MAST4: variants seen among roughly 807,000 people sequenced by gnomAD.
MAST4 encodes the protein microtubule-associated serine/threonine-protein kinase 4.
A neutral mutation model predicts 162.7 loss-of-function variants in MAST4; 89 were observed. The ratio of observed to expected loss-of-function variants is 0.55; its 90% CI spans 0.46 to 0.65. The LOEUF is 0.65. Ranked by LOEUF, MAST4 falls within the 30% of genes least tolerant of loss-of-function variation. The probability of loss-of-function intolerance (pLI) is 0.00; values close to 1 mark genes in which losing one functional copy is unlikely to be tolerated. For synonymous variants in MAST4, 1,479 were observed against 1,361.1 expected (o/e 1.09, Z -1.91); for missense variants, 3,153 against 3,374.0 (o/e 0.93, Z 1.62).
Position 67,090,239 on chromosome 5 carries a change from CT to C in MAST4, c.833+13del. 6.2e-7 allele frequency: 1 copy of C among 1,608,514 alleles called. No individual in the cohort carries two copies. The highest frequency in any genetic ancestry group is 8.5e-7 in the Non-Finnish European group (1 of 1,175,864). On this transcript the variant is annotated intron_variant, in intron 6 of 28. Transcript: ENST00000403625. Reference sequence around the variant, plus strand: ...TTTTTCATTTGCACGGAGGTAAGGACTTTTTGTGAGTGGAGGCATAAGGTCT... The same window carrying C: ...TTTTTCATTTGCACGGAGGTAAGGACTTTTGTGAGTGGAGGCATAAGGTCT...
Position 66,851,672 on chromosome 5 carries a change from A to C in MAST4, c.643-48279A>C, listed in dbSNP as rs555725123. 9.2e-5 allele frequency among the ~76,000 whole-genome samples: 14 copies of C among 152,294 alleles called. No homozygotes were observed. In the East Asian group the frequency reaches 2.7e-3, roughly 29 times the overall value. ...ATCCCTTTTTATTTTTATTAACACCACATATCAGTGGATTACTATAGTGCA... is the reference window on the plus strand; with the variant it reads ...ATCCCTTTTTATTTTTATTAACACCCCATATCAGTGGATTACTATAGTGCA... On this transcript the variant is annotated intron_variant, in intron 3 of 28. Coordinates refer to ENST00000403625, the MANE Select transcript of MAST4 (RefSeq NM_001164664.2).
At position 66,757,262 on chromosome 5, in the gene MAST4, T is replaced by G. The variant is rs148294036; in HGVS notation, c.364-2447T>G. 4.5e-3 allele frequency among the ~76,000 whole-genome samples: 692 copies of G among 152,334 alleles called. 4 individuals are homozygous for G. The highest frequency in any genetic ancestry group is 5.3e-3 in the Non-Finnish European group (359 of 68,034). ...TTAAATGAGAAATATTTGTATTTTA[T>G]GCAGCTGTCACTCATAATTAAGAGA... is the stretch of plus-strand genomic sequence containing the variant. On this transcript the variant is annotated intron_variant, in intron 1 of 28. Coordinates refer to ENST00000403625, the MANE Select transcript of MAST4 (RefSeq NM_001164664.2).
intron 11 of MAST4, 117 bp from the exon 12 acceptor site, chr5:67,113,970 C>T: frequency 8.9e-7 from 1 of 1,128,638 alleles, no homozygotes; most frequent in African/African-American, 1.6e-5. Flanking sequence ...CTCCTTTCTG[C>T]ATAAGTAACT....
intron 14 of MAST4, among the ~76,000 whole-genome samples, chr5:67,122,954 CTTTT>C (rs1767759780): frequency 6.6e-6 from 1 of 152,028 alleles, no homozygotes; most frequent in African/African-American, 2.4e-5. Flanking sequence ...CTCTTTTTTT[CTTTT>C]TCTCTTCTCA....
chr5:66,825,261 G>GACACACACACACAC (rs56076405), intron 3 of MAST4, among the ~76,000 whole-genome samples: 41 of 135,550 alleles, frequency 3.0e-4, no homozygotes, highest in African/African-American at 9.4e-4. Context: ...TAAAAACTAA[G>GACACACACACACAC]ACACACACAC....
intron 2 of MAST4, among the ~76,000 whole-genome samples, chr5:66,780,651 C>T (rs1244598716): frequency 6.6e-6 from 1 of 152,164 alleles, no homozygotes; most frequent in Non-Finnish European, 1.5e-5. Context: ...GCTCAGGTGG[C>T]CAGCTTTTAT....
chr5:67,036,392 C>A (rs747532796), intron 4 of MAST4, among the ~76,000 whole-genome samples: 16 of 152,130 alleles, frequency 1.1e-4, no homozygotes, highest in Non-Finnish European at 2.2e-4. Context: ...TACATTCATA[C>A]TCCCATATTC....
At chr5:66,693,524 C>T (rs865842771) in intron 1 of MAST4, among the ~76,000 whole-genome samples, 1 of 152,094 alleles carries the variant, frequency 6.6e-6, no homozygotes, top group South Asian at 2.1e-4. Flanking sequence ...TGCCACAATT[C>T]GCTAACAAGA....
intron 4 of MAST4, among the ~76,000 whole-genome samples, chr5:67,011,043 G>A (rs558162205): frequency 6.6e-6 from 1 of 152,168 alleles, no homozygotes; most frequent in South Asian, 2.1e-4. Flanking sequence ...CTGCTTCATT[G>A]CCCAAATTGG....
chr5:66,734,747 A>G (rs1247048760), intron 1 of MAST4, among the ~76,000 whole-genome samples: 4 of 152,210 alleles, frequency 2.6e-5, no homozygotes, highest in East Asian at 1.9e-4. Context: ...AGTTTAAATT[A>G]AATCTAAATA....
Position 67,166,375 on chromosome 5 carries a change from G to C in MAST4, c.7196G>C (p.Arg2399Pro). 1 of 1,611,324 alleles carries C rather than the reference G, an allele frequency of 6.2e-7. No homozygotes were observed. The highest frequency in any genetic ancestry group is 8.5e-7 in the Non-Finnish European group (1 of 1,178,576). ...AGLSFVHSEN[R>P]LKGAERPAAG... ...CTTTCCTTTGTGCATAGCGAGAACCGGTTGAAAGGCGCGGAGCGGCCAGCC... is the reference window on the plus strand; with the variant it reads ...CTTTCCTTTGTGCATAGCGAGAACCCGTTGAAAGGCGCGGAGCGGCCAGCC... Residue 2399 changes from arginine to proline, a missense_variant, in exon 29 of 29, where the codon CGG becomes CCG. Coordinates refer to ENST00000403625, the MANE Select transcript of MAST4 (RefSeq NM_001164664.2).
chr5:67,149,211 T>C (rs1448018445), intron 23 of MAST4, among the ~76,000 whole-genome samples, 178 bp from the exon 24 acceptor site: 3 of 152,142 alleles, frequency 2.0e-5, no homozygotes, highest in Admixed American at 2.0e-4. Context: ...CTCCTCCACG[T>C]CACCTTTCTC....
At chr5:66,710,589 G>T (rs568304729) in intron 1 of MAST4, among the ~76,000 whole-genome samples, 24 of 152,108 alleles carry the variant, frequency 1.6e-4, no homozygotes, top group East Asian at 1.5e-3. Context: ...CTGATTTTTT[G>T]GGGGAAAAAT....
chr5:66,881,367 T>C (rs1353445104), intron 3 of MAST4, among the ~76,000 whole-genome samples: 1 of 152,228 alleles, frequency 6.6e-6, no homozygotes, highest in Non-Finnish European at 1.5e-5. Flanking sequence ...TTTCAGCTGC[T>C]GGAATTTCTA....
chr5:66,604,343 C>T (rs542628536), intron 1 of MAST4, among the ~76,000 whole-genome samples: 12 of 152,294 alleles, frequency 7.9e-5, no homozygotes, highest in African/African-American at 2.9e-4. Flanking sequence ...CTCTCAGACA[C>T]AGTCGATATA....
intron 3 of MAST4, among the ~76,000 whole-genome samples, chr5:66,853,574 T>C (rs1759466809): frequency 6.6e-6 from 1 of 152,206 alleles, no homozygotes; most frequent in South Asian, 2.1e-4. Context: ...AATGCTTACA[T>C]GTTTATTCTG....
chr5:66,650,039 C>G (rs558610386), intron 1 of MAST4, among the ~76,000 whole-genome samples: 1 of 152,148 alleles, frequency 6.6e-6, no homozygotes, highest in African/African-American at 2.4e-5. Flanking sequence ...TGACCATGCT[C>G]CAACTTGGAC....
At chr5:67,007,250 TC>T (rs1354782275) in intron 4 of MAST4, among the ~76,000 whole-genome samples, 2 of 152,176 alleles carry the variant, frequency 1.3e-5, no homozygotes, top group African/African-American at 2.4e-5. Context: ...CTGTTCTAAA[TC>T]CTGTTTCCTT....
chr5:66,634,848 C>G (rs1264929183), intron 1 of MAST4, among the ~76,000 whole-genome samples: 1 of 152,180 alleles, frequency 6.6e-6, no homozygotes, highest in African/African-American at 2.4e-5. Flanking sequence ...CCAACCAGGC[C>G]CAATATTCTG....
Sources: allele counts gnomAD v4.1 joint callset (sites outside exome capture counted in the v4.1 genomes callset), GRCh38; gene constraint gnomAD v4.1.1; transcripts MANE v1.5; gene names NCBI Gene and HGNC (gene_info 2026-07-23, HGNC 2026-07-21).